The following ADCY9 variants were observed in gnomAD, a reference collection of about 807,000 sequenced individuals.
The protein encoded by ADCY9 is adenylate cyclase 9, also known as adenylate cyclase type 9.
Under a neutral mutation model 101.5 loss-of-function variants are expected in ADCY9, and 50 were observed. The ratio of observed to expected loss-of-function variants is 0.49; its 90% CI spans 0.39 to 0.62. The LOEUF (loss-of-function observed/expected upper bound fraction) is 0.62. Ranked by LOEUF, ADCY9 falls within the 20% of genes least tolerant of loss-of-function variation. The pLI is 0.00. For missense variants in ADCY9, 1,662 were observed against 1,800.4 expected (o/e 0.92, Z 1.39); for synonymous variants, 905 against 769.3 (o/e 1.18, Z -2.92).
At chr16:3,982,662 C>T (rs2056153827) in intron 7 of ADCY9, 1 of 154,234 alleles carries the variant, frequency 6.5e-6, no homozygotes, top group Non-Finnish European at 1.4e-5. Flanking sequence ...AGATGTTAGA[C>T]CTTGTCCGAG....
intron 2 of ADCY9, among the ~76,000 whole-genome samples, chr16:4,109,828 G>T (rs1257333973): frequency 6.6e-6 from 1 of 152,104 alleles, no homozygotes; most frequent in Non-Finnish European, 1.5e-5. Flanking sequence ...CTGAAAGAGT[G>T]AACTTTCTAA....
At chr16:4,079,957 C>CTGT (rs1307417491) in intron 2 of ADCY9, among the ~76,000 whole-genome samples, 5 of 152,032 alleles carry the variant, frequency 3.3e-5, no homozygotes, top group Admixed American at 2.0e-4. Context: ...TGGTCACCCC[C>CTGT]TTTGCCATCT....
At chr16:3,974,500 T>C (rs2056077762) in intron 10 of ADCY9, among the ~76,000 whole-genome samples, 169 bp downstream of exon 10, 1 of 152,238 alleles carries the variant, frequency 6.6e-6, no homozygotes, top group African/African-American at 2.4e-5. Flanking sequence ...CATTAGACAT[T>C]ATAACTATGA....
intron 2 of ADCY9, among the ~76,000 whole-genome samples, chr16:4,063,855 G>A (rs2056786196): frequency 6.6e-6 from 1 of 152,090 alleles, no homozygotes; most frequent in African/African-American, 2.4e-5. Flanking sequence ...AGAGAAAACT[G>A]ATGAAACCAA....
chr16:4,020,969 C>T (rs2056472608), intron 2 of ADCY9, among the ~76,000 whole-genome samples: 1 of 152,142 alleles, frequency 6.6e-6, no homozygotes, highest in Non-Finnish European at 1.5e-5. Context: ...GATACTGGTT[C>T]ACAACTCTAA....
At chr16:4,111,005 T>A (rs2057110447) in intron 2 of ADCY9, among the ~76,000 whole-genome samples, 1 of 152,172 alleles carries the variant, frequency 6.6e-6, no homozygotes, top group East Asian at 1.9e-4. Context: ...CTGCTCCACA[T>A]CCACAGTGCC....
At chr16:3,969,080 T>G (rs1354019053) in intron 10 of ADCY9, among the ~76,000 whole-genome samples, 1 of 152,098 alleles carries the variant, frequency 6.6e-6, no homozygotes, top group Non-Finnish European at 1.5e-5. Flanking sequence ...CGCCTCGGCC[T>G]CCCAAAGTGC....
At position 3,965,943 on chromosome 16, in the gene ADCY9, G is replaced by A; in HGVS notation, c.3894C>T (p.Ser1298=). The A allele has an allele frequency of 6.2e-7, 1 of 1,614,182 alleles. No homozygotes were observed. The highest frequency in any genetic ancestry group is 8.5e-7 in the Non-Finnish European group (1 of 1,180,034). The change falls in exon 11 of 11, where the codon AGC becomes AGT. Residue 1298 remains serine (S), a synonymous_variant. Coordinates refer to ENST00000294016, the MANE Select transcript of ADCY9 (RefSeq NM_001116.4). ...VDKTSLGSDS[S]TQAKDAHLSP... is the part of the protein sequence containing the mutation. The stretch of plus-strand genomic sequence containing the variant: ...ACAGGTGGGCATCCTTGGCCTGCGT[G>A]CTGCTGTCAGAACCCAGAGATGTCT...
chr16:4,091,844 T>G (rs936526604), intron 2 of ADCY9, among the ~76,000 whole-genome samples: 5 of 152,218 alleles, frequency 3.3e-5, no homozygotes, highest in African/African-American at 9.6e-5. Flanking sequence ...GGTGTAGGGT[T>G]TCCTTCTAGG....
chr16:4,027,655 T>A (rs1289162471), intron 2 of ADCY9, among the ~76,000 whole-genome samples: 1 of 152,112 alleles, frequency 6.6e-6, no homozygotes, highest in Non-Finnish European at 1.5e-5. Context: ...GGTGGGCATA[T>A]CACCTGAGCT....
At chr16:4,099,672 T>A (rs971589620) in intron 2 of ADCY9, among the ~76,000 whole-genome samples, 1 of 152,198 alleles carries the variant, frequency 6.6e-6, no homozygotes, top group African/African-American at 2.4e-5. Flanking sequence ...AAATCATGTA[T>A]CTGTAATGGA....
intron 2 of ADCY9, among the ~76,000 whole-genome samples, chr16:4,085,025 G>A (rs1456791398): frequency 1.3e-5 from 2 of 152,106 alleles, no homozygotes; most frequent in Admixed American, 6.6e-5. Flanking sequence ...TATAAACAGT[G>A]CTGAGTGGTG....
chr16:3,991,849 C>T (rs2056246948), intron 5 of ADCY9, among the ~76,000 whole-genome samples: 1 of 149,716 alleles, frequency 6.7e-6, no homozygotes, highest in African/African-American at 2.5e-5. Context: ...GTAGGTGGAT[C>T]ACCCGAGGTC....
rs776026141 is a variant in ADCY9 at position 3,977,618 on chromosome 16, T to C, written c.2692A>G (p.Thr898Ala). 14 of 1,612,852 alleles carry C rather than the reference T, an allele frequency of 8.7e-6. No individual in the cohort carries two copies. The highest frequency in any genetic ancestry group is 8.0e-5 in the African/African-American group (6 of 74,904). The change falls in exon 9 of 11, where the codon ACA (threonine) becomes GCA (alanine). Residue 898 changes from threonine (T) to alanine (A), a missense_variant. By Grantham distance (58) the Thr-to-Ala change is moderately conservative (BLOSUM62 0). Coordinates refer to ENST00000294016, the MANE Select transcript of ADCY9 (RefSeq NM_001116.4). ...YETNIHFPVF[T>A]GSAALIAVVH... Reference sequence around the variant, plus strand: ...ACGGCAATCAGCGCGGCCGAGCCTGTGAACACTGGGAACTGCAAGAGGCGA... The same window carrying C: ...ACGGCAATCAGCGCGGCCGAGCCTGCGAACACTGGGAACTGCAAGAGGCGA...
rs537287273 is a variant in ADCY9 at position 4,018,881 on chromosome 16, T to C, written c.1694-11323A>G. On this transcript the variant is annotated intron_variant, in intron 2 of 10. Coordinates refer to ENST00000294016, the MANE Select transcript of ADCY9 (RefSeq NM_001116.4). ...ATCTCTAATTTCACTTCAGCAGCAC[T>C]GGTGGCTGAAATACTATGGACTATG... Among the ~76,000 whole-genome samples the C allele has an allele frequency of 4.4e-4, 67 of 152,202 alleles. 2 individuals are homozygous for C. The South Asian group carries it at 0.014, about 31-fold the overall frequency.
At chr16:4,001,344 G>A (rs945135276) in intron 3 of ADCY9, among the ~76,000 whole-genome samples, 2 of 152,156 alleles carry the variant, frequency 1.3e-5, no homozygotes, top group Non-Finnish European at 2.9e-5. Flanking sequence ...TTTGTCAAAT[G>A]TCCAGATCTG....
intron 2 of ADCY9, among the ~76,000 whole-genome samples, chr16:4,038,768 C>A (rs1295270152): frequency 6.6e-6 from 1 of 151,994 alleles, no homozygotes. Context: ...ACTTTCTTCT[C>A]CTTCCTTTCC....
At chr16:4,112,113 C>G (rs1173410732) in intron 2 of ADCY9, among the ~76,000 whole-genome samples, 1 of 152,222 alleles carries the variant, frequency 6.6e-6, no homozygotes, top group African/African-American at 2.4e-5. Context: ...AAGGACAGAG[C>G]TCACAACACC....
Position 3,998,558 on chromosome 16 carries a change from A to G in ADCY9, c.1885-5048T>C, listed in dbSNP as rs542298938. ...AGCCCGTCTCTACTAAAATACAAAA[A>G]ATTAGCCTGGCGTGGTGGTGCACAC... On this transcript the variant is annotated intron_variant, in intron 3 of 10. Transcript: ENST00000294016. Among the ~76,000 whole-genome samples the G allele has an allele frequency of 2.6e-5, 4 of 151,724 alleles. No individual in the cohort carries two copies. In the South Asian group the frequency reaches 8.3e-4, roughly 32 times the overall value.
Sources: gnomAD v4.1 joint callset for allele counts (sites outside exome capture counted in the v4.1 genomes callset) on GRCh38, gnomAD v4.1.1 for gene constraint, MANE v1.5 for transcripts, NCBI Gene and HGNC (gene_info 2026-07-23, HGNC 2026-07-21) for gene names.